CNTROB: variants seen among roughly 807,000 people sequenced by gnomAD.
CNTROB encodes centrobin, centriole duplication and spindle assembly protein.
In CNTROB, 82 loss-of-function variants were observed where a neutral mutation model predicts 115.7. That is an observed-to-expected ratio of 0.71 (90% CI 0.59 to 0.85). CNTROB has a LOEUF of 0.85. CNTROB is among the 40% of genes least tolerant of loss of function. The pLI is 0.00. For missense variants in CNTROB, 1,014 were observed against 1,144.4 expected, an observed-to-expected ratio of 0.89 and a Z score of 1.64; for synonymous variants, 439 against 456.4, an observed-to-expected ratio of 0.96 and a Z score of 0.49.
rs774213094 is a variant in CNTROB at position 7,940,092 on chromosome 17, A to T, written c.1165-4A>T. ...TGTATATACATTTGATTTGTCTTTCATAGGAGAAGAGCCAGAGGGAAGCCC... is the reference window on the plus strand; with the variant it reads ...TGTATATACATTTGATTTGTCTTTCTTAGGAGAAGAGCCAGAGGGAAGCCC... On this transcript the variant is annotated splice_region_variant and splice_polypyrimidine_tract_variant and intron_variant, in intron 8 of 18. Coordinates refer to ENST00000563694, the MANE Select transcript of CNTROB (RefSeq NM_053051.5). The T allele has an allele frequency of 1.4e-5, 22 of 1,591,164 alleles. No homozygotes were observed. The highest frequency in any genetic ancestry group is 1.9e-5 in the Non-Finnish European group (22 of 1,170,334).
At chr17:7,935,354 T>C (rs1973034708) in intron 4 of CNTROB, among the ~76,000 whole-genome samples, 1 of 151,904 alleles carries the variant, frequency 6.6e-6, no homozygotes, top group Non-Finnish European at 1.5e-5. Context: ...TAGAAAAAAT[T>C]AGCCGGGCAT....
Position 7,937,334 on chromosome 17 carries a change from G to C in CNTROB, c.927+72G>C, listed in dbSNP as rs1598070983. On this transcript the variant is annotated intron_variant, in intron 7 of 18. Transcript: ENST00000563694. ...TTCTAGAGAGCTGTGGGCTATTGGTGGATTGTGGGAGATTATAATTTGAGT... is the reference window on the plus strand; with the variant it reads ...TTCTAGAGAGCTGTGGGCTATTGGTCGATTGTGGGAGATTATAATTTGAGT... The C allele has an allele frequency of 1.9e-6, 3 of 1,571,784 alleles. No individual in the cohort carries two copies. In the East Asian group the frequency reaches 6.8e-5, roughly 35 times the overall value.
rs531906801 is a variant in CNTROB at position 7,936,015 on chromosome 17, A to G, written c.595-351A>G. 4.5e-5 allele frequency: 10 copies of G among 220,818 alleles called. No homozygotes were observed. The South Asian group carries it at 4.7e-4, about 10-fold the overall frequency. The allele number at this position is 220,818 out of a possible 1,614,324, so 13.7% of individuals were successfully genotyped here. On this transcript the variant is annotated intron_variant, in intron 4 of 18. Transcript: ENST00000563694. The stretch of plus-strand genomic sequence containing the variant: ...CCCTTTATCCTTGCTGTGTTTATTC[A>G]TTGTGTCCAATGAGCTTCTGAAGGT...
At position 7,949,596 on chromosome 17, in the gene CNTROB, T is replaced by C. The variant is rs1043405703; in HGVS notation, c.*86T>C. ...AGTCTGTATCAGAGTCTCTGGCTCA[T>C]AGGAATTTGGAAAATAGAGGTTTTG... On this transcript the variant is annotated 3_prime_UTR_variant, in exon 19 of 19. Coordinates refer to ENST00000563694, the MANE Select transcript of CNTROB (RefSeq NM_053051.5). 3 of 1,380,232 alleles carry C rather than the reference T, an allele frequency of 2.2e-6. No homozygotes were observed. The highest frequency in any genetic ancestry group is 2.9e-6 in the Non-Finnish European group (3 of 1,046,676). The allele number at this position is 1,380,232 out of a possible 1,614,324, so 85.5% of individuals were successfully genotyped here. A position where few individuals can be genotyped will look rare whatever the true frequency, so the allele number is the denominator to read the frequency against.
In CNTROB at chr17:7,945,752, C is replaced by T. The variant is rs748434519; in HGVS notation, c.1759C>T (p.Pro587Ser). ...GGCTCCTCCTGCTGGACCCTCCAGCCCCGGGCCTCAGGAGCCCGAGAAGGA... is the reference window on the plus strand; with the variant it reads ...GGCTCCTCCTGCTGGACCCTCCAGCTCCGGGCCTCAGGAGCCCGAGAAGGA... ...PPAPPAGPSS[P>S]GPQEPEKEER... The change falls in exon 13 of 19, where the codon CCC becomes TCC. Residue 587 changes from proline to serine, a missense_variant. Transcript: ENST00000563694. The T allele has an allele frequency of 6.2e-7, 1 of 1,614,220 alleles. No homozygotes were observed. Among genetic ancestry groups the T allele is most frequent in the Non-Finnish European group, 8.5e-7 (1 of 1,180,024 alleles).
At chr17:7,937,367 G>C in intron 7 of CNTROB, 105 bp downstream of exon 7, 4 of 1,336,642 alleles carry the variant, frequency 3.0e-6, no homozygotes, top group Non-Finnish European at 4.2e-6. Flanking sequence ...AGTTGCACCA[G>C]AGCACTGTTT....
In CNTROB at chr17:7,948,593, C is replaced by G. The variant is rs767806866; in HGVS notation, c.2487C>G (p.Leu829=). The G allele has an allele frequency of 6.2e-7, 1 of 1,614,132 alleles. No homozygotes were observed. Among genetic ancestry groups the G allele is most frequent in the Non-Finnish European group, 8.5e-7 (1 of 1,180,028 alleles). ...CTCTGCCTGCTGAGGATCTCCTGCT[C>G]TACCTGAAGAGGCTGGAACACAGCG... The part of the protein sequence containing the change: ...WGALPAEDLL[L]YLKRLEHSGT... The change falls in exon 17 of 19, where the codon CTC becomes CTG. Residue 829 remains leucine (L), a synonymous_variant. Coordinates refer to ENST00000563694, the MANE Select transcript of CNTROB (RefSeq NM_053051.5). The surrounding 1 kb of genome is among the most constrained non-coding windows in gnomAD (Gnocchi z 4.4).
Position 7,948,234 on chromosome 17 carries a change from C to G in CNTROB, c.2287C>G (p.Pro763Ala), listed in dbSNP as rs1397841462. The change falls in exon 16 of 19, where the codon CCC becomes GCC. Residue 763 changes from proline to alanine, a missense_variant. Coordinates refer to ENST00000563694, the MANE Select transcript of CNTROB (RefSeq NM_053051.5). The surrounding 1 kb of genome is among the most constrained non-coding windows in gnomAD (Gnocchi z 4.4). Reference sequence around the variant, plus strand: ...ACCGCCTGTCCACAAAACCAAAGTTCCCTTAGCCATGGCATCCAGTCTTTT... The same window carrying G: ...ACCGCCTGTCCACAAAACCAAAGTTGCCTTAGCCATGGCATCCAGTCTTTT... ...IPPPVHKTKV[P>A]LAMASSLFRV... is the part of the protein sequence containing the mutation. The G allele has an allele frequency of 6.2e-7, 1 of 1,614,166 alleles. No homozygotes were observed. Among genetic ancestry groups the G allele is most frequent in the Non-Finnish European group, 8.5e-7 (1 of 1,180,036 alleles).
At position 7,944,305 on chromosome 17, in the gene CNTROB, C is replaced by A. The variant is rs1474967164; in HGVS notation, c.1571+57C>A. Reference sequence around the variant, plus strand: ...CCAGCCCCTTTCCCATGGGTAGAGCCCAAACTGGGAACGGTGAAGAGCTGC... The same window carrying A: ...CCAGCCCCTTTCCCATGGGTAGAGCACAAACTGGGAACGGTGAAGAGCTGC... On this transcript the variant is annotated intron_variant, in intron 11 of 18. Transcript: ENST00000563694. The surrounding 1 kb of genome is among the most constrained non-coding windows in gnomAD (Gnocchi z 4.0). The A allele has an allele frequency of 6.3e-7, 1 of 1,592,192 alleles. No homozygotes were observed.
chr17:7,947,995 G>A lies in CNTROB; in HGVS notation c.2209+16G>A, dbSNP rs976036096. 3.1e-6 allele frequency: 5 copies of A among 1,611,380 alleles called. No individual in the cohort carries two copies. In the African/African-American group the frequency reaches 6.7e-5, roughly 22 times the overall value. On this transcript the variant is annotated intron_variant, in intron 15 of 18. Coordinates refer to ENST00000563694, the MANE Select transcript of CNTROB (RefSeq NM_053051.5). ...CCTAAGTCTGGTGAGTTCCAACTCT[G>A]AAGAAGGTTGGGGCTGGGGCCTAGG...
chr17:7,940,241 A>C lies in CNTROB; in HGVS notation c.1310A>C (p.Gln437Pro). ...DALQLEMSLV[Q>P]ARYESQRIQL... is the part of the protein sequence containing the mutation. The stretch of plus-strand genomic sequence containing the variant: ...CTGCAGCTGGAAATGAGCTTGGTGC[A>C]GGTCAGAAGGCAGAGGTTTCTTGAG... Residue 437 changes from glutamine (Q) to proline (P), a missense_variant and splice_region_variant, in exon 9 of 19, where the codon CAG (glutamine) becomes CCG (proline). By Grantham distance (76) the Gln-to-Pro change is moderately conservative. Transcript: ENST00000563694. The C allele has an allele frequency of 1.2e-6, 2 of 1,600,114 alleles. No homozygotes were observed. The highest frequency in any genetic ancestry group is 1.7e-6 in the Non-Finnish European group (2 of 1,175,572).
rs1348412859 is a variant in CNTROB at position 7,946,005 on chromosome 17, C to A, written c.1993+19C>A. 6.2e-7 allele frequency: 1 copy of A among 1,610,134 alleles called. No homozygotes were observed. The highest frequency in any genetic ancestry group is 1.7e-5 in the Admixed American group (1 of 59,766). ...TCCACAGGTAACTGGGGGCAGAAGT[C>A]ACTGGGGTTCCCCTTCTGTGCATGA... is the stretch of plus-strand genomic sequence containing the variant. On this transcript the variant is annotated intron_variant, in intron 13 of 18. Coordinates refer to ENST00000563694, the MANE Select transcript of CNTROB (RefSeq NM_053051.5).
Position 7,949,627 on chromosome 17 carries a change from A to G in CNTROB, c.*117A>G. 1 of 1,074,394 alleles carries G rather than the reference A, an allele frequency of 9.3e-7. No homozygotes were observed. Among genetic ancestry groups the G allele is most frequent in the Non-Finnish European group, 1.3e-6 (1 of 787,584 alleles). The allele number at this position is 1,074,394 out of a possible 1,614,324, so 66.6% of individuals were successfully genotyped here. ...TTTGGAAAATAGAGGTTTTGTAGGG[A>G]ATCACTTCGTAAAGAAACCACATTT... On this transcript the variant is annotated 3_prime_UTR_variant, in exon 19 of 19. Coordinates refer to ENST00000563694, the MANE Select transcript of CNTROB (RefSeq NM_053051.5).
Position 7,944,521 on chromosome 17 carries a change from C to G in CNTROB, c.1617C>G (p.Asn539Lys). 1 of 1,614,092 alleles carries G rather than the reference C, an allele frequency of 6.2e-7. No individual in the cohort carries two copies. The highest frequency in any genetic ancestry group is 8.5e-7 in the Non-Finnish European group (1 of 1,180,000). Residue 539 changes from asparagine (N) to lysine (K), a missense_variant, in exon 12 of 19, where the codon AAC becomes AAG. By Grantham distance (94) the Asn-to-Lys change is moderately conservative. Transcript: ENST00000563694. The surrounding 1 kb of genome is among the most constrained non-coding windows in gnomAD (Gnocchi z 4.0). ...GAGTGTGCGAACTGCAGAGTGGGAA[C>G]CAGCAGCTGGAGGAGCAGCGGGTGG... ...QARVCELQSG[N>K]QQLEEQRVEL... is the part of the protein sequence containing the mutation.
chr17:7,938,001 G>GTTTTTTTT (rs368082295), intron 7 of CNTROB, among the ~76,000 whole-genome samples: 4 of 104,318 alleles, frequency 3.8e-5, no homozygotes, highest in East Asian at 6.1e-4. Flanking sequence ...TTCTTTTCGT[G>GTTTTTTTT]TTTTTTTTTT....
chr17:7,937,318 G>T (rs1973302084), intron 7 of CNTROB, 56 bp downstream of exon 7: 1 of 1,601,668 alleles, frequency 6.2e-7, no homozygotes, highest in African/African-American at 1.3e-5. Context: ...CTTCTAGAGA[G>T]CTGTGGGCTA....
In CNTROB at chr17:7,932,912, C is replaced by A; in HGVS notation, c.-168C>A. On this transcript the variant is annotated 5_prime_UTR_variant, in exon 1 of 19. Coordinates refer to ENST00000563694, the MANE Select transcript of CNTROB (RefSeq NM_053051.5). ...CCATGGCCCCTGGAACTGGTGGAAA[C>A]CTTTCCTCTAACCAGAAAGCCTCGA... 1 of 718,084 alleles carries A rather than the reference C, an allele frequency of 1.4e-6. No individual in the cohort carries two copies. The highest frequency in any genetic ancestry group is 2.3e-6 in the Non-Finnish European group (1 of 441,042). The allele number at this position is 718,084 out of a possible 1,614,324, so 44.5% of individuals were successfully genotyped here. A position where few individuals can be genotyped will look rare whatever the true frequency, so the allele number is the denominator to read the frequency against.
In CNTROB at chr17:7,933,044, C is replaced by A. The variant is rs747161098; in HGVS notation, c.-36C>A. On this transcript the variant is annotated 5_prime_UTR_variant, in exon 1 of 19. Transcript: ENST00000563694. ...ACTTTGCTAAAGCAGAACCTCCCAG[C>A]TCTTTGCTGTCTCCGGTTGTCTCTT... 1.9e-6 allele frequency: 3 copies of A among 1,602,126 alleles called. No homozygotes were observed. In the South Asian group the frequency reaches 3.3e-5, roughly 18 times the overall value.
chr17:7,940,122 C>A lies in CNTROB; in HGVS notation c.1191C>A (p.Ala397=). 1.2e-6 allele frequency: 2 copies of A among 1,608,190 alleles called. No individual in the cohort carries two copies. ...EKEKSQREAQ[A]AWETQHQLAL... ...AGAAGAGCCAGAGGGAAGCCCAGGC[C>A]GCCTGGGAGACCCAGCACCAGTTGG... The change falls in exon 9 of 19, where the codon GCC becomes GCA. Residue 397 remains alanine, a synonymous_variant. Transcript: ENST00000563694.
Sources: allele counts gnomAD v4.1 joint callset (sites outside exome capture counted in the v4.1 genomes callset), GRCh38; gene constraint gnomAD v4.1.1; non-coding constraint Gnocchi (gnomAD v3.1); transcripts MANE v1.5; gene names NCBI Gene and HGNC (gene_info 2026-07-23, HGNC 2026-07-21).